The following OPCML variants were observed in gnomAD, a reference collection of about 807,000 sequenced individuals.
OPCML encodes opioid-binding protein/cell adhesion molecule.
Under a neutral mutation model 37.8 loss-of-function variants are expected in OPCML, and 13 were observed. The ratio of observed to expected loss-of-function variants is 0.34; its 90% confidence interval spans 0.22 to 0.55. The LOEUF (loss-of-function observed/expected upper bound fraction) is 0.55, where lower values mean the gene tolerates loss of function less well. Ranked by LOEUF, OPCML falls within the 20% of genes least tolerant of loss-of-function variation. The pLI is 0.91. For missense variants in OPCML, 341 were observed against 435.6 expected, an observed-to-expected ratio of 0.78 and a Z score of 1.93; for synonymous variants, 176 against 168.8, an observed-to-expected ratio of 1.04 and a Z score of -0.33.
intron 4 of OPCML, among the ~76,000 whole-genome samples, chr11:132,520,931 G>A (rs2096291727): frequency 6.6e-6 from 1 of 152,038 alleles, no homozygotes; most frequent in African/African-American, 2.4e-5. Flanking sequence ...GGGTCAAATG[G>A]TATTCCTGGT....
At chr11:133,452,637 C>A (rs906237110) in intron 1 of OPCML, among the ~76,000 whole-genome samples, 1 of 151,324 alleles carries the variant, frequency 6.6e-6, no homozygotes, top group Non-Finnish European at 1.5e-5. Flanking sequence ...CATAGTGAGA[C>A]CCTTATCTCA....
chr11:132,523,673 C>T (rs561039585), intron 4 of OPCML, among the ~76,000 whole-genome samples: 3 of 152,104 alleles, frequency 2.0e-5, no homozygotes, highest in Admixed American at 1.3e-4. Context: ...GGTCATATTC[C>T]TAGTTATCCC....
At chr11:132,987,192 C>G (rs1946695587) in intron 1 of OPCML, among the ~76,000 whole-genome samples, 2 of 152,154 alleles carry the variant, frequency 1.3e-5, no homozygotes, top group South Asian at 4.1e-4. Flanking sequence ...TAGGAAATGA[C>G]AACCCACTGA....
intron 1 of OPCML, among the ~76,000 whole-genome samples, chr11:133,514,535 A>T (rs1194801008): frequency 2.0e-5 from 3 of 152,216 alleles, no homozygotes; most frequent in Admixed American, 1.3e-4. Flanking sequence ...TGTCCTGCCA[A>T]CGACCCCTTT....
chr11:133,060,986 C>G (rs535648905), intron 1 of OPCML, among the ~76,000 whole-genome samples: 12 of 151,792 alleles, frequency 7.9e-5, no homozygotes, highest in African/African-American at 2.4e-4. Context: ...AAGAGGGATG[C>G]GAGCTAAAGA....
chr11:133,026,479 C>T, intron 1 of OPCML: 1 of 985,418 alleles, frequency 1.0e-6, no homozygotes, highest in Non-Finnish European at 1.2e-6. Context: ...CCTGAACATC[C>T]TCCACGCAGT....
chr11:132,944,362 C>A (rs371004268), intron 1 of OPCML, among the ~76,000 whole-genome samples: 1 of 152,176 alleles, frequency 6.6e-6, no homozygotes, highest in Non-Finnish European at 1.5e-5. Context: ...CACCGGTGTG[C>A]GTGTCCATCG....
chr11:133,434,798 GTATATA>G lies in OPCML; in HGVS notation c.61+97460_61+97465del, dbSNP rs57835682. On this transcript the variant is annotated intron_variant, in intron 1 of 7. Coordinates refer to ENST00000524381, the MANE Select transcript of OPCML (RefSeq NM_001012393.5). ...GCCAGAAAAAAAAAATTATATATAT[GTATATA>G]TATATATATATATATATATACACAC... is the stretch of plus-strand genomic sequence containing the variant. Among the ~76,000 whole-genome samples, 193 of 128,984 alleles carry G rather than the reference GTATATA, an allele frequency of 1.5e-3. 1 individual carries two copies. Among genetic ancestry groups the G allele is most frequent in the African/African-American group, 4.4e-3 (161 of 36,960 alleles). The allele number at this position is 128,984 out of a possible 152,430, so 84.6% of individuals were successfully genotyped here.
intron 2 of OPCML, among the ~76,000 whole-genome samples, chr11:132,727,211 G>A (rs1366629919): frequency 6.6e-6 from 1 of 152,080 alleles, no homozygotes; most frequent in African/African-American, 2.4e-5. Context: ...AGAGAGGTAG[G>A]GTCGCTCTCC....
rs1049279029 is a variant in OPCML, at chr11:133,020,209, G to A, written c.62-77199C>T. Among the ~76,000 whole-genome samples, 19 of 152,274 alleles carry A rather than the reference G, an allele frequency of 1.2e-4. No individual in the cohort carries two copies. In the East Asian group the frequency reaches 3.3e-3, roughly 26 times the overall value. ...TGCTGGGTATTCTACATAAATATAC[G>A]TAGAAAGACAGTTTCAGCAGAAATG... On this transcript the variant is annotated intron_variant, in intron 1 of 7. Transcript: ENST00000524381.
At chr11:133,522,805 C>T (rs1024783654) in intron 1 of OPCML, among the ~76,000 whole-genome samples, 3 of 152,136 alleles carry the variant, frequency 2.0e-5, no homozygotes, top group African/African-American at 4.8e-5. Context: ...AATGAAAGCA[C>T]TCAACTAGAC....
intron 1 of OPCML, among the ~76,000 whole-genome samples, chr11:133,323,028 G>A (rs1379188873): frequency 6.6e-6 from 1 of 152,184 alleles, no homozygotes; most frequent in Non-Finnish European, 1.5e-5. Flanking sequence ...TCTAAGTGTA[G>A]GGTACAGGAC....
At chr11:132,942,525 C>T (rs1483711633) in intron 2 of OPCML, among the ~76,000 whole-genome samples, 55 of 152,098 alleles carry the variant, frequency 3.6e-4, no homozygotes, top group Admixed American at 3.6e-3. Context: ...GCCTGGTGGT[C>T]CTGAGGACGA....
At chr11:132,910,436 A>C (rs1302979089) in intron 2 of OPCML, among the ~76,000 whole-genome samples, 1 of 152,228 alleles carries the variant, frequency 6.6e-6, no homozygotes, top group Non-Finnish European at 1.5e-5. Flanking sequence ...GGCAGAGCTG[A>C]ATGCAGGGAT....
chr11:132,475,014 A>G (rs935359544), intron 4 of OPCML, among the ~76,000 whole-genome samples: 1 of 152,058 alleles, frequency 6.6e-6, no homozygotes, highest in Non-Finnish European at 1.5e-5. Context: ...CACCTGCCAT[A>G]CTGCTAGTTA....
At chr11:133,260,644 C>T (rs533574108) in intron 1 of OPCML, among the ~76,000 whole-genome samples, 5 of 152,138 alleles carry the variant, frequency 3.3e-5, no homozygotes, top group African/African-American at 1.2e-4. Flanking sequence ...CCATTTGAAA[C>T]CTCAAGGCCC....
intron 1 of OPCML, among the ~76,000 whole-genome samples, chr11:133,485,268 A>G (rs563656837): frequency 6.6e-6 from 1 of 152,358 alleles, no homozygotes; most frequent in South Asian, 2.1e-4. Flanking sequence ...GTACAGTTAT[A>G]AGGGAAACCC....
intron 1 of OPCML, among the ~76,000 whole-genome samples, chr11:133,185,067 C>T (rs1178090177): frequency 6.6e-6 from 1 of 152,124 alleles, no homozygotes; most frequent in African/African-American, 2.4e-5. Context: ...AGCTTTCAAA[C>T]CTCATACTCA....
intron 1 of OPCML, among the ~76,000 whole-genome samples, chr11:133,475,127 ATAG>A (rs1476713534): frequency 6.6e-6 from 1 of 152,110 alleles, no homozygotes; most frequent in East Asian, 1.9e-4. Flanking sequence ...TTTTTAAATA[ATAG>A]TATTCCTACA....
Sources: allele counts gnomAD v4.1 joint callset (sites outside exome capture counted in the v4.1 genomes callset), GRCh38; gene constraint gnomAD v4.1.1; transcripts MANE v1.5; gene names NCBI Gene and HGNC (gene_info 2026-07-23, HGNC 2026-07-21).